The following CAPN8 variants were observed in gnomAD, a reference collection of about 807,000 sequenced individuals.
CAPN8 encodes the protein calpain 8.
In CAPN8, 87 loss-of-function variants were observed where a neutral mutation model predicts 80.9. The ratio of observed to expected loss-of-function variants is 1.07; its 90% CI spans 0.90 to 1.28. The LOEUF (loss-of-function observed/expected upper bound fraction) is 1.28. CAPN8 is among the 50% of genes most tolerant of loss of function. The pLI is 0.00. For synonymous variants in CAPN8, 299 were observed against 273.8 expected (o/e 1.09, Z -0.91); for missense variants, 757 against 702.0 (o/e 1.08, Z -0.89).
At chr1:223,631,854 C>G (rs1470934881) in intron 2 of CAPN8, among the ~76,000 whole-genome samples, 1 of 152,130 alleles carries the variant, frequency 6.6e-6, no homozygotes, top group Non-Finnish European at 1.5e-5. Context: ...TCTGCAACAC[C>G]TCTAAAGCTA....
Position 223,545,290 on chromosome 1 carries a change from T to C in CAPN8, c.1774A>G (p.Thr592Ala). ...AATTCCACCGCCCCCAAAGTGCCCG[T>C]TCCATTGCTCTAGGCACATTAAAGA... ...EMISLLDSNG[T>A]GTLGAVEFKT... The change falls in exon 17 of 21, where the codon ACG becomes GCG. Residue 592 changes from threonine (T) to alanine (A), a missense_variant. Transcript: ENST00000366872. The C allele has an allele frequency of 6.4e-7, 1 of 1,551,584 alleles. No homozygotes were observed. Among genetic ancestry groups the C allele is most frequent in the Non-Finnish European group, 8.7e-7 (1 of 1,146,910 alleles).
intron 16 of CAPN8, among the ~76,000 whole-genome samples, chr1:223,548,532 G>C (rs1430336271): frequency 6.6e-6 from 1 of 152,142 alleles, no homozygotes; most frequent in Non-Finnish European, 1.5e-5. Context: ...CCTCAGAAAT[G>C]AAATTAGTGC....
intron 1 of CAPN8, among the ~76,000 whole-genome samples, chr1:223,663,881 A>G (rs1310087800): frequency 6.6e-6 from 1 of 152,198 alleles, no homozygotes; most frequent in Non-Finnish European, 1.5e-5. Flanking sequence ...TTTTAGAAGA[A>G]GTACTCTCCC....
chr1:223,655,031 G>T (rs577180356), intron 1 of CAPN8, among the ~76,000 whole-genome samples: 12 of 151,916 alleles, frequency 7.9e-5, no homozygotes, highest in Non-Finnish European at 1.5e-4. Context: ...TGGGTGTGTG[G>T]GTGTGTGGGT....
At chr1:223,557,359 C>T (rs1387950180) in intron 13 of CAPN8, among the ~76,000 whole-genome samples, 1 of 32,080 alleles carries the variant, frequency 3.1e-5, no homozygotes, top group Admixed American at 3.2e-4. Context: ...CTCTGTGTGG[C>T]ATCTGCAGCC....
chr1:223,645,581 G>T (rs1020013947), intron 2 of CAPN8, among the ~76,000 whole-genome samples: 1 of 152,178 alleles, frequency 6.6e-6, no homozygotes, highest in Non-Finnish European at 1.5e-5. Flanking sequence ...TCCAGGCATT[G>T]CCCTGTTAAA....
chr1:223,625,805 C>G lies in CAPN8; in HGVS notation c.813G>C (p.Glu271Asp), dbSNP rs1344873046. 3 of 1,549,586 alleles carry G rather than the reference C, an allele frequency of 1.9e-6. No individual in the cohort carries two copies. The highest frequency in any genetic ancestry group is 2.6e-6 in the Non-Finnish European group (3 of 1,145,244). The change falls in exon 6 of 21, where the codon GAG becomes GAC. Residue 271 changes from glutamate (E) to aspartate (D), a missense_variant and splice_region_variant. Physicochemically the swap from Glu to Asp is conservative, Grantham distance 45. Coordinates refer to ENST00000366872, the MANE Select transcript of CAPN8 (RefSeq NM_001143962.2). Reference sequence around the variant, plus strand: ...TTCCCCACCTTCCACACAATTTTACCTCTTCGACTCCAGTGACAGAGTACG... The same window carrying G: ...TTCCCCACCTTCCACACAATTTTACGTCTTCGACTCCAGTGACAGAGTACG... ...SHAYSVTGVE[E>D]VNFQGHPEKL...
At chr1:223,664,217 T>C (rs1658727738) in intron 1 of CAPN8, among the ~76,000 whole-genome samples, 2 of 152,292 alleles carry the variant, frequency 1.3e-5, no homozygotes, top group South Asian at 4.2e-4. Flanking sequence ...AGCCTCTGCC[T>C]TCCGTCTGCA....
At chr1:223,654,207 C>T (rs1273669573) in intron 2 of CAPN8, 123 bp downstream of exon 2, 2 of 807,016 alleles carry the variant, frequency 2.5e-6, no homozygotes, top group African/African-American at 1.7e-5. Context: ...AACACAAACC[C>T]AGACGGACAC....
Position 223,626,729 on chromosome 1 carries a change from C to T in CAPN8, c.729+260G>A, listed in dbSNP as rs144085646. On this transcript the variant is annotated intron_variant, in intron 5 of 20. Coordinates refer to ENST00000366872, the MANE Select transcript of CAPN8 (RefSeq NM_001143962.2). ...GACTATGTTCTTAGGGCCACTCCAG[C>T]AGTACTGAAGGGGCTCTAACAACGA... Among the ~76,000 whole-genome samples the T allele has an allele frequency of 1.5e-3, 226 of 152,310 alleles. 1 individual carries two copies. The highest frequency in any genetic ancestry group is 5.3e-3 in the African/African-American group (220 of 41,560).
intron 1 of CAPN8, among the ~76,000 whole-genome samples, chr1:223,663,503 G>A (rs1398117252): frequency 6.6e-6 from 1 of 152,084 alleles, no homozygotes; most frequent in African/African-American, 2.4e-5. Flanking sequence ...ATTCACACCT[G>A]TGTCTCCCCA....
intron 14 of CAPN8, among the ~76,000 whole-genome samples, 179 bp from the exon 15 acceptor site, chr1:223,551,196 G>A (rs77191447): frequency 0.076 from 11,554 of 152,092 alleles, 567 homozygotes; most frequent in African/African-American, 0.14. Context: ...AAGCTGGAGT[G>A]TAGTGCCGCA....
Position 223,547,091 on chromosome 1 carries a change from T to C in CAPN8, c.1765-1792A>G, listed in dbSNP as rs1002544035. On this transcript the variant is annotated intron_variant, in intron 16 of 20. Coordinates refer to ENST00000366872, the MANE Select transcript of CAPN8 (RefSeq NM_001143962.2). Reference sequence around the variant, plus strand: ...ATCACGCCTGGCTAATTTTTGTATTTTTAGTAGAGACAGGATTTCACTGTG... The same window carrying C: ...ATCACGCCTGGCTAATTTTTGTATTCTTAGTAGAGACAGGATTTCACTGTG... 3.9e-5 allele frequency among the ~76,000 whole-genome samples: 6 copies of C among 152,268 alleles called. No individual in the cohort carries two copies. The South Asian group carries it at 1.0e-3, about 26-fold the overall frequency.
In CAPN8 at chr1:223,612,195, A is replaced by C. The variant is rs1657045559; in HGVS notation, c.1323+51T>G. 2.4e-6 allele frequency: 3 copies of C among 1,232,930 alleles called. No homozygotes were observed. In the South Asian group the frequency reaches 1.2e-4, roughly 51 times the overall value. 76.4% of individuals were successfully genotyped at this position (1,232,930 alleles called of 1,614,324 possible). A position where few individuals can be genotyped will look rare whatever the true frequency, so the allele number is the denominator to read the frequency against. On this transcript the variant is annotated intron_variant, in intron 11 of 20. Transcript: ENST00000366872. ...GCTGCTGGCTGCCCATCCTGAAGGC[A>C]GCCAAGCTATTTCTCACCAAAGGAA... is the stretch of plus-strand genomic sequence containing the variant.
At chr1:223,548,692 A>G (rs1296013356) in intron 16 of CAPN8, among the ~76,000 whole-genome samples, 1 of 152,220 alleles carries the variant, frequency 6.6e-6, no homozygotes, top group African/African-American at 2.4e-5. Context: ...CCTCCAGAAG[A>G]GTAAGAAATA....
intron 16 of CAPN8, among the ~76,000 whole-genome samples, chr1:223,546,885 GGTTGTTGTTGTTGTTGTT>G (rs66949236): frequency 0.47 from 69,777 of 149,890 alleles, 17,282 homozygotes; most frequent in Non-Finnish European, 0.54. Context: ...TTTGTTTTGT[GGTTGTTGTTGTTGTTGTT>G]GTTGTTGTTG....
intron 2 of CAPN8, among the ~76,000 whole-genome samples, chr1:223,653,278 G>A (rs1047398081): frequency 4.6e-5 from 7 of 151,276 alleles, no homozygotes; most frequent in African/African-American, 1.2e-4. Context: ...TGATCGTCAC[G>A]CTCTGTGAGC....
At chr1:223,542,276 T>C (rs1394952196) in intron 20 of CAPN8, among the ~76,000 whole-genome samples, 1 of 152,098 alleles carries the variant, frequency 6.6e-6, no homozygotes, top group Non-Finnish European at 1.5e-5. Context: ...TGTGTATATA[T>C]ATATATTCCT....
chr1:223,619,053 G>T (rs1284889251), intron 9 of CAPN8, among the ~76,000 whole-genome samples: 1 of 152,130 alleles, frequency 6.6e-6, no homozygotes, highest in Non-Finnish European at 1.5e-5. Flanking sequence ...AATTAGCCAG[G>T]CATGGTGGTG....
Sources: allele counts gnomAD v4.1 joint callset (sites outside exome capture counted in the v4.1 genomes callset), GRCh38; gene constraint gnomAD v4.1.1; transcripts MANE v1.5; gene names NCBI Gene and HGNC (gene_info 2026-07-23, HGNC 2026-07-21).